Variants in ITPR1 observed in about 807,000 individuals in gnomAD.
ITPR1 encodes inositol 1,4,5-trisphosphate receptor type 1.
In ITPR1, 96 loss-of-function variants were observed where a neutral mutation model predicts 318.4. That is an observed-to-expected ratio of 0.30 (90% CI 0.26 to 0.36). ITPR1 has a LOEUF of 0.36. Ranked by LOEUF, ITPR1 falls within the 10% of genes least tolerant of loss-of-function variation. The pLI is 1.00. For missense variants in ITPR1, 2,440 were observed against 3,460.2 expected (o/e 0.71, Z 7.40); for synonymous variants, 1,312 against 1,289.9 (o/e 1.02, Z -0.37).
intron 44 of ITPR1, among the ~76,000 whole-genome samples, chr3:4,759,015 G>GT (rs1190826482): frequency 5.9e-5 from 9 of 152,232 alleles, no homozygotes; most frequent in Non-Finnish European, 1.5e-5. Context: ...TCCAGGGAAG[G>GT]GTAAGATAGG....
At chr3:4,767,938 C>T (rs766009724) in intron 45 of ITPR1, among the ~76,000 whole-genome samples, 12 of 152,246 alleles carry the variant, frequency 7.9e-5, no homozygotes, top group African/African-American at 9.6e-5. Flanking sequence ...TAAGTCATTA[C>T]GGACATGCAG....
intron 4 of ITPR1, among the ~76,000 whole-genome samples, chr3:4,584,105 G>A (rs568567836): frequency 6.6e-6 from 1 of 151,976 alleles, no homozygotes; most frequent in Non-Finnish European, 1.5e-5. Flanking sequence ...TTTTGCTCAC[G>A]TTAAATTTGC....
chr3:4,761,694 G>T (rs2045460659), intron 44 of ITPR1, among the ~76,000 whole-genome samples: 1 of 152,192 alleles, frequency 6.6e-6, no homozygotes, highest in Non-Finnish European at 1.5e-5. Flanking sequence ...TGAATTGAAA[G>T]AGGTTCCGGG....
At position 4,575,954 on chromosome 3, in the gene ITPR1, A is replaced by C. The variant is rs536595368; in HGVS notation, c.164-51809A>C. Among the ~76,000 whole-genome samples, 3 of 151,218 alleles carry C rather than the reference A, an allele frequency of 2.0e-5. No individual in the cohort carries two copies. In the South Asian group the frequency reaches 6.3e-4, roughly 32 times the overall value. Reference sequence around the variant, plus strand: ...AGGATCGCTTGGGCCCGGGAGGTCGAGGCTGCAGTGAGCCATGGTCATGCC... The same window carrying C: ...AGGATCGCTTGGGCCCGGGAGGTCGCGGCTGCAGTGAGCCATGGTCATGCC... On this transcript the variant is annotated intron_variant, in intron 4 of 61. Transcript: ENST00000649015.
chr3:4,560,616 C>T (rs2086578988), intron 4 of ITPR1, among the ~76,000 whole-genome samples: 1 of 152,076 alleles, frequency 6.6e-6, no homozygotes, highest in Non-Finnish European at 1.5e-5. Flanking sequence ...GAAGAGAGAA[C>T]TGGATTTGGA....
chr3:4,727,291 T>C (rs995212321), intron 42 of ITPR1, 118 bp downstream of exon 42: 6 of 706,864 alleles, frequency 8.5e-6, no homozygotes, highest in African/African-American at 1.8e-5. Flanking sequence ...AAAGCATTAA[T>C]TGACTCAAGA....
intron 16 of ITPR1, 92 bp from the exon 17 acceptor site, chr3:4,665,046 C>G: frequency 7.3e-7 from 1 of 1,371,332 alleles, no homozygotes; most frequent in Non-Finnish European, 1.0e-6. Flanking sequence ...TAATGTAATC[C>G]AGCCACCCTT....
At chr3:4,761,727 G>A (rs972529251) in intron 44 of ITPR1, among the ~76,000 whole-genome samples, 1 of 152,234 alleles carries the variant, frequency 6.6e-6, no homozygotes, top group Admixed American at 6.5e-5. Context: ...AGGCAGTGTA[G>A]CGGGTAGAGG....
chr3:4,708,188 C>T (rs1035922413), intron 37 of ITPR1, among the ~76,000 whole-genome samples: 3 of 152,050 alleles, frequency 2.0e-5, no homozygotes, highest in African/African-American at 7.2e-5. Flanking sequence ...GTGTAAAGAC[C>T]GTTATACCGA....
chr3:4,615,496 C>CCTCCCGAGTATCTGGGAGTGCGTAT (rs2092352923), intron 4 of ITPR1, among the ~76,000 whole-genome samples: 1 of 151,882 alleles, frequency 6.6e-6, no homozygotes, highest in Admixed American at 6.6e-5. Context: ...CCTGCCTCAG[C>CCTCCCGAGTATCTGGGAGTGCGTAT]CTCCCGAGTA....
chr3:4,501,822 G>C (rs1464161766), intron 2 of ITPR1, among the ~76,000 whole-genome samples: 3 of 152,220 alleles, frequency 2.0e-5, no homozygotes, highest in Non-Finnish European at 2.9e-5. Flanking sequence ...CCCCTACTTA[G>C]AGTTGTGAAG....
intron 4 of ITPR1, among the ~76,000 whole-genome samples, chr3:4,580,451 C>A (rs6764946): frequency 0.78 from 118,279 of 152,016 alleles, 47,134 homozygotes; most frequent in South Asian, 0.89. Context: ...GATCCCCCAC[C>A]TTTTGTTTTG....
intron 4 of ITPR1, among the ~76,000 whole-genome samples, chr3:4,586,507 C>CT (rs34188022): frequency 0.026 from 2,711 of 104,754 alleles, 87 homozygotes; most frequent in African/African-American, 0.055. Flanking sequence ...GCCTTGAGTG[C>CT]TTTTTTTTTT....
At chr3:4,542,478 T>G (rs1350279167) in intron 4 of ITPR1, among the ~76,000 whole-genome samples, 1 of 152,246 alleles carries the variant, frequency 6.6e-6, no homozygotes, top group Non-Finnish European at 1.5e-5. Flanking sequence ...AGGTATTTTT[T>G]GCTTAAATTT....
intron 4 of ITPR1, among the ~76,000 whole-genome samples, chr3:4,620,475 A>G (rs2092584147): frequency 6.6e-6 from 1 of 152,014 alleles, no homozygotes; most frequent in Non-Finnish European, 1.5e-5. Flanking sequence ...TGGAGCCCCC[A>G]GTTACTAAGC....
chr3:4,577,233 C>T (rs977998450), intron 4 of ITPR1, among the ~76,000 whole-genome samples: 26 of 152,322 alleles, frequency 1.7e-4, no homozygotes, highest in African/African-American at 6.0e-4. Flanking sequence ...TGTGCAGCTG[C>T]AGTGTTTGAA....
intron 42 of ITPR1, among the ~76,000 whole-genome samples, chr3:4,731,365 T>C (rs2042914823): frequency 6.6e-6 from 1 of 152,214 alleles, no homozygotes; most frequent in African/African-American, 2.4e-5. Flanking sequence ...GTGAGCAGTT[T>C]ATTTAAAAAG....
At chr3:4,524,514 A>G (rs1036548313) in intron 4 of ITPR1, among the ~76,000 whole-genome samples, 9 of 152,112 alleles carry the variant, frequency 5.9e-5, no homozygotes, top group African/African-American at 1.9e-4. Context: ...ACATATGGAA[A>G]AGTGAGATGC....
intron 39 of ITPR1, among the ~76,000 whole-genome samples, chr3:4,715,983 A>G (rs1300582306): frequency 2.0e-5 from 3 of 152,242 alleles, no homozygotes; most frequent in Non-Finnish European, 4.4e-5. Context: ...CTAAAATGCA[A>G]AGGACCACCA....
Sources: gnomAD v4.1 joint callset for allele counts (sites outside exome capture counted in the v4.1 genomes callset) on GRCh38, gnomAD v4.1.1 for gene constraint, MANE v1.5 for transcripts, NCBI Gene and HGNC (gene_info 2026-07-23, HGNC 2026-07-21) for gene names.